The following CNTN5 variants were observed in gnomAD, a reference collection of about 807,000 sequenced individuals.
CNTN5 encodes the protein contactin-5.
CNTN5 carries 77 observed loss-of-function variants against 129.1 expected under a neutral mutation model. The ratio of observed to expected loss-of-function variants is 0.60; its 90% CI spans 0.50 to 0.72. CNTN5 has a LOEUF of 0.72. Ranked by LOEUF, CNTN5 falls within the 30% of genes least tolerant of loss-of-function variation. The probability of loss-of-function intolerance (pLI) is 0.00; values close to 1 mark genes in which losing one functional copy is unlikely to be tolerated. For missense variants in CNTN5, 1,478 were observed against 1,328.8 expected (o/e 1.11, Z -1.75); for synonymous variants, 509 against 465.6 (o/e 1.09, Z -1.20).
intron 1 of CNTN5, among the ~76,000 whole-genome samples, chr11:99,296,240 C>T (rs921529136): frequency 3.9e-5 from 6 of 152,058 alleles, no homozygotes; most frequent in African/African-American, 9.7e-5. Context: ...TTAAGGGTTC[C>T]GATGGGTGTA....
chr11:100,020,037 T>A (rs60877368), intron 9 of CNTN5, among the ~76,000 whole-genome samples: 1,729 of 152,098 alleles, frequency 0.011, 30 homozygotes, highest in African/African-American at 0.04. Flanking sequence ...GGATATTAAA[T>A]CTTTATCATA....
At chr11:99,865,326 C>T (rs543415325) in intron 6 of CNTN5, among the ~76,000 whole-genome samples, 1 of 151,678 alleles carries the variant, frequency 6.6e-6, no homozygotes, top group South Asian at 2.1e-4. Context: ...CACTGGGACA[C>T]AATAAATGTA....
intron 8 of CNTN5, among the ~76,000 whole-genome samples, chr11:99,992,567 A>C (rs1400118678): frequency 1.3e-5 from 2 of 152,164 alleles, no homozygotes; most frequent in African/African-American, 4.8e-5. Flanking sequence ...TCAAAATATG[A>C]AGTTCATAGC....
intron 6 of CNTN5, among the ~76,000 whole-genome samples, chr11:99,856,569 G>A (rs1331237970): frequency 6.6e-6 from 1 of 152,108 alleles, no homozygotes; most frequent in Non-Finnish European, 1.5e-5. Context: ...GGACTTAAGG[G>A]GCAAGTATGG....
chr11:99,773,604 C>T (rs1450181741), intron 3 of CNTN5, among the ~76,000 whole-genome samples: 3 of 151,852 alleles, frequency 2.0e-5, no homozygotes, highest in Non-Finnish European at 4.4e-5. Flanking sequence ...AAAAAATGGT[C>T]ATTTTAATGT....
intron 1 of CNTN5, among the ~76,000 whole-genome samples, chr11:99,145,900 A>G (rs1199329402): frequency 2.6e-5 from 4 of 152,198 alleles, no homozygotes; most frequent in African/African-American, 4.8e-5. Context: ...CACATGAAAT[A>G]ATAAATGTGA....
At chr11:99,800,070 T>G (rs949250916) in intron 3 of CNTN5, among the ~76,000 whole-genome samples, 4 of 152,088 alleles carry the variant, frequency 2.6e-5, no homozygotes, top group African/African-American at 9.7e-5. Flanking sequence ...TTGTTTCTGT[T>G]TTTTTCTAAC....
intron 1 of CNTN5, among the ~76,000 whole-genome samples, chr11:99,308,871 A>T (rs2135963402): frequency 6.6e-6 from 1 of 152,036 alleles, no homozygotes; most frequent in African/African-American, 2.4e-5. Flanking sequence ...ATTTTTATTG[A>T]CTTGTCTTCA....
intron 3 of CNTN5, among the ~76,000 whole-genome samples, chr11:99,782,083 G>A (rs898477583): frequency 1.2e-4 from 18 of 151,098 alleles, no homozygotes; most frequent in African/African-American, 4.1e-4. Flanking sequence ...AAACCCCATC[G>A]TCTCAGCCCA....
chr11:99,037,340 T>G (rs1374612283), intron 1 of CNTN5, among the ~76,000 whole-genome samples: 1 of 152,126 alleles, frequency 6.6e-6, no homozygotes, highest in African/African-American at 2.4e-5. Flanking sequence ...CTTTAATCGT[T>G]TCTACTGCTT....
At chr11:100,096,093 C>CTT (rs1376552603) in intron 13 of CNTN5, among the ~76,000 whole-genome samples, 3 of 152,032 alleles carry the variant, frequency 2.0e-5, no homozygotes, top group African/African-American at 7.2e-5. Flanking sequence ...TAGAAGGATC[C>CTT]TTTGCTTGCT....
chr11:99,896,287 C>T (rs1949204251), intron 6 of CNTN5, among the ~76,000 whole-genome samples: 1 of 152,088 alleles, frequency 6.6e-6, no homozygotes, highest in Non-Finnish European at 1.5e-5. Context: ...CTTACTCATC[C>T]CCTGGCTGAT....
intron 1 of CNTN5, among the ~76,000 whole-genome samples, chr11:99,136,846 A>C (rs914585119): frequency 6.6e-6 from 1 of 152,154 alleles, no homozygotes; most frequent in African/African-American, 2.4e-5. Context: ...GCAGACACCA[A>C]GATCATGTAA....
At chr11:100,028,802 TG>T (rs1161610150) in intron 9 of CNTN5, among the ~76,000 whole-genome samples, 1 of 152,202 alleles carries the variant, frequency 6.6e-6, no homozygotes, top group Non-Finnish European at 1.5e-5. Flanking sequence ...TATGAAATAT[TG>T]GGAATAATTT....
intron 3 of CNTN5, among the ~76,000 whole-genome samples, chr11:99,815,967 C>G (rs573648881): frequency 3.9e-5 from 6 of 152,028 alleles, no homozygotes; most frequent in African/African-American, 1.4e-4. Context: ...GGTTAGAGTC[C>G]GTGGTCCATA....
At chr11:99,735,715 ATGTATTGATATATACCTTG>A (rs1299108816) in intron 3 of CNTN5, among the ~76,000 whole-genome samples, 1 of 152,190 alleles carries the variant, frequency 6.6e-6, no homozygotes, top group East Asian at 1.9e-4. Context: ...GTACAACTTG[ATGTATTGATATATACCTTG>A]TGTATCACCA....
chr11:99,055,081 G>T (rs906692756), intron 1 of CNTN5, among the ~76,000 whole-genome samples: 1 of 151,870 alleles, frequency 6.6e-6, no homozygotes, highest in African/African-American at 2.4e-5. Flanking sequence ...TCTGGGCTAG[G>T]TCCCTAGAAT....
chr11:100,225,640 ATCAT>A (rs1475002045), intron 16 of CNTN5, among the ~76,000 whole-genome samples: 1 of 152,128 alleles, frequency 6.6e-6, no homozygotes, highest in Non-Finnish European at 1.5e-5. Context: ...CCATATAACT[ATCAT>A]TCAAAGTAAA....
Position 99,956,985 on chromosome 11 carries a change from A to C in CNTN5, c.853A>C (p.Thr285Pro). Residue 285 changes from threonine to proline, a missense_variant, in exon 8 of 25, where the codon ACG (threonine) becomes CCG (proline). Physicochemically the swap from Thr to Pro is conservative, Grantham distance 38. Coordinates refer to ENST00000524871, the MANE Select transcript of CNTN5 (RefSeq NM_014361.4). ...VTNARVLSPP[T>P]PLTLRNDGVM... The stretch of plus-strand genomic sequence containing the variant: ...GAATGCTAGAGTCCTTAGTCCTCCA[A>C]CGCCACTCACTCTGCGTAATGATGG... The C allele has an allele frequency of 6.2e-7, 1 of 1,613,764 alleles. No individual in the cohort carries two copies. The highest frequency in any genetic ancestry group is 2.2e-5 in the East Asian group (1 of 44,864).
Sources: gnomAD v4.1 joint callset for allele counts (sites outside exome capture counted in the v4.1 genomes callset) on GRCh38, gnomAD v4.1.1 for gene constraint, MANE v1.5 for transcripts, NCBI Gene and HGNC (gene_info 2026-07-23, HGNC 2026-07-21) for gene names.